Variants in PCDH11X observed in about 807,000 individuals in gnomAD.
PCDH11X encodes the protein protocadherin-11 X-linked.
Under a neutral mutation model 53.3 loss-of-function variants are expected in PCDH11X, and 18 were observed. The observed-to-expected ratio is 0.34, with a 90% CI of 0.23 to 0.50. PCDH11X has a LOEUF of 0.50. PCDH11X is among the 20% of genes least tolerant of loss of function. The pLI is 0.98. For missense variants in PCDH11X, 570 were observed against 1,032.4 expected, an observed-to-expected ratio of 0.55 and a Z score of 6.14; for synonymous variants, 279 against 393.3, an observed-to-expected ratio of 0.71 and a Z score of 3.44.
chrX:92,127,624 G>A (rs1434493735), intron 6 of PCDH11X, among the ~76,000 whole-genome samples: 1 of 107,443 alleles, frequency 9.3e-6, no homozygotes. Flanking sequence ...AGGTTCAAGG[G>A]ATTCTCCTGC....
At chrX:92,244,865 C>T (rs1313682608) in intron 7 of PCDH11X, among the ~76,000 whole-genome samples, 1 of 111,552 alleles carries the variant, frequency 9.0e-6, no homozygotes, top group Non-Finnish European at 1.9e-5. Flanking sequence ...GAGGAAATTC[C>T]ATAATTAGCG....
At chrX:92,085,541 T>C (rs1047182588) in intron 6 of PCDH11X, among the ~76,000 whole-genome samples, 2 of 104,630 alleles carry the variant, frequency 1.9e-5, no homozygotes, top group African/African-American at 7.1e-5. Context: ...CACCCTGGAA[T>C]TCTGCCATTA....
At chrX:91,934,385 C>A (rs1252778060) in intron 6 of PCDH11X, among the ~76,000 whole-genome samples, 1 of 111,324 alleles carries the variant, frequency 9.0e-6, no homozygotes, top group Non-Finnish European at 1.9e-5. Flanking sequence ...TACCATTTTT[C>A]CCCCCTGAAC....
chrX:92,464,587 T>G (rs1468849421), intron 9 of PCDH11X, among the ~76,000 whole-genome samples: 3 of 110,881 alleles, frequency 2.7e-5, no homozygotes, highest in Non-Finnish European at 5.7e-5. Flanking sequence ...TGGGCAGTTC[T>G]TTATAGCAGC....
intron 8 of PCDH11X, among the ~76,000 whole-genome samples, chrX:92,285,946 A>G (rs1345218253): frequency 8.9e-6 from 1 of 112,506 alleles, no homozygotes; most frequent in Non-Finnish European, 1.9e-5. Flanking sequence ...GGTTCTGGCT[A>G]GTTATCTGCT....
intron 6 of PCDH11X, among the ~76,000 whole-genome samples, chrX:92,075,291 G>C (rs962997917): frequency 9.0e-6 from 1 of 110,918 alleles, no homozygotes; most frequent in Non-Finnish European, 1.9e-5. Context: ...CTCATCTGAG[G>C]CTCTTGAAAG....
intron 8 of PCDH11X, among the ~76,000 whole-genome samples, chrX:92,301,411 CG>C (rs2148470039): frequency 9.3e-6 from 1 of 107,019 alleles, no homozygotes; most frequent in African/African-American, 3.4e-5. Flanking sequence ...GGGGAATGGG[CG>C]TCCCTGGCAG....
chrX:92,287,408 A>G (rs1356466540), intron 8 of PCDH11X, among the ~76,000 whole-genome samples: 7 of 110,261 alleles, frequency 6.3e-5, no homozygotes, highest in Non-Finnish European at 1.1e-4. Context: ...TCATTGCTCA[A>G]CTCCCACTTG....
chrX:92,112,892 A>G (rs1230027147), intron 6 of PCDH11X, among the ~76,000 whole-genome samples: 1 of 109,262 alleles, frequency 9.2e-6, no homozygotes, highest in African/African-American at 3.5e-5. Flanking sequence ...TTTGGGTGCA[A>G]GAGATTAACG....
chrX:91,846,893 A>C (rs1451669361), intron 5 of PCDH11X, among the ~76,000 whole-genome samples: 2 of 111,445 alleles, frequency 1.8e-5, no homozygotes, highest in Non-Finnish European at 3.8e-5. Flanking sequence ...GCATAACTCT[A>C]TGCTTTCCTA....
intron 9 of PCDH11X, among the ~76,000 whole-genome samples, chrX:92,426,839 T>A (rs1266018419): frequency 9.0e-6 from 1 of 111,109 alleles, no homozygotes. Flanking sequence ...ATGTTCTTCC[T>A]TTATAAACAT....
intron 10 of PCDH11X, among the ~76,000 whole-genome samples, chrX:92,553,743 A>G (rs917506097): frequency 7.8e-4 from 85 of 108,372 alleles, no homozygotes; most frequent in Non-Finnish European, 1.2e-3. Flanking sequence ...GCTGTATCCC[A>G]TAGGTTTTGG....
chrX:91,796,219 T>G (rs1274363550), intron 1 of PCDH11X, among the ~76,000 whole-genome samples: 2 of 112,049 alleles, frequency 1.8e-5, no homozygotes, highest in Non-Finnish European at 3.8e-5. Flanking sequence ...TAAAAGATTT[T>G]CCTTGTGAAC....
At chrX:91,964,291 G>T (rs1037163679) in intron 6 of PCDH11X, among the ~76,000 whole-genome samples, 7 of 109,637 alleles carry the variant, frequency 6.4e-5, no homozygotes, top group African/African-American at 2.4e-4. Context: ...ACTTTTCACA[G>T]AAATATAAAA....
intron 7 of PCDH11X, among the ~76,000 whole-genome samples, chrX:92,248,355 C>T (rs1186042469): frequency 8.9e-6 from 1 of 111,812 alleles, no homozygotes; most frequent in Admixed American, 9.6e-5. Flanking sequence ...ATATATATAA[C>T]TAGTCTTTAA....
intron 5 of PCDH11X, among the ~76,000 whole-genome samples, chrX:91,840,977 T>G (rs773828456): frequency 9.0e-6 from 1 of 111,339 alleles, no homozygotes; most frequent in African/African-American, 3.2e-5. Flanking sequence ...AGCTTTAAGA[T>G]TACTTGATTT....
At chrX:91,862,121 G>A (rs1320485510) in intron 5 of PCDH11X, among the ~76,000 whole-genome samples, 1 of 109,145 alleles carries the variant, frequency 9.2e-6, no homozygotes, top group Non-Finnish European at 1.9e-5. Flanking sequence ...CTCATAGAAT[G>A]AGTCTGGAAA....
chrX:92,467,512 A>G (rs1438065329), intron 9 of PCDH11X, among the ~76,000 whole-genome samples: 4 of 111,367 alleles, frequency 3.6e-5, no homozygotes, highest in African/African-American at 1.3e-4. Flanking sequence ...TAATGAATAA[A>G]CTTGAGAGTC....
chrX:92,289,626 G>A (rs1295454700), intron 8 of PCDH11X, among the ~76,000 whole-genome samples: 6 of 111,213 alleles, frequency 5.4e-5, no homozygotes, highest in Non-Finnish European at 3.8e-5. Flanking sequence ...ATTTACATGT[G>A]AACATTGTGA....
Sources: gnomAD v4.1 joint callset for allele counts (sites outside exome capture counted in the v4.1 genomes callset) on GRCh38, gnomAD v4.1.1 for gene constraint, MANE v1.5 for transcripts, NCBI Gene and HGNC (gene_info 2026-07-23, HGNC 2026-07-21) for gene names.